Variants in ADGRL3 observed in about 807,000 individuals in gnomAD.
ADGRL3 encodes the protein calcium-independent alpha-latrotoxin receptor 3.
In ADGRL3, 62 loss-of-function variants were observed where a neutral mutation model predicts 153.5. That is an observed-to-expected ratio of 0.40 (90% CI 0.33 to 0.50). The LOEUF is 0.50. Among genes scored for constraint, ADGRL3 ranks in the 20% least tolerant of loss-of-function variants. The pLI is 0.47. For synonymous variants in ADGRL3, 710 were observed against 672.5 expected, an observed-to-expected ratio of 1.06 and a Z score of -0.86; for missense variants, 1,641 against 1,859.4, an observed-to-expected ratio of 0.88 and a Z score of 2.16.
chr4:61,936,192 C>T (rs1168461118), intron 15 of ADGRL3, 147 bp downstream of exon 15: 2 of 843,944 alleles, frequency 2.4e-6, no homozygotes, highest in Non-Finnish European at 3.8e-6. Context: ...TCTTCCTCCT[C>T]TTTCTACTGT....
chr4:61,377,883 A>G (rs1028649003), intron 1 of ADGRL3, among the ~76,000 whole-genome samples: 5 of 151,980 alleles, frequency 3.3e-5, no homozygotes, highest in Admixed American at 6.6e-5. Context: ...AAATTTTGCT[A>G]TGGTGTGCTT....
At chr4:61,285,879 C>CT (rs939658612) in intron 1 of ADGRL3, among the ~76,000 whole-genome samples, 1 of 151,518 alleles carries the variant, frequency 6.6e-6, no homozygotes, top group East Asian at 1.9e-4. Flanking sequence ...TTCTACTTTA[C>CT]TTTTTTTTCC....
intron 4 of ADGRL3, among the ~76,000 whole-genome samples, chr4:61,524,700 G>C (rs1028217515): frequency 2.6e-5 from 4 of 152,000 alleles, no homozygotes; most frequent in Non-Finnish European, 4.4e-5. Flanking sequence ...GTTGTGAAAT[G>C]GTAAAGCATG....
chr4:61,493,929 A>T (rs1356862384), intron 2 of ADGRL3, among the ~76,000 whole-genome samples: 1 of 152,226 alleles, frequency 6.6e-6, no homozygotes, highest in Non-Finnish European at 1.5e-5. Flanking sequence ...TTCTCAGTAA[A>T]CATGGAACAA....
At chr4:61,869,665 A>G (rs917746486) in intron 9 of ADGRL3, among the ~76,000 whole-genome samples, 1 of 151,772 alleles carries the variant, frequency 6.6e-6, no homozygotes, top group Non-Finnish European at 1.5e-5. Flanking sequence ...ACACTTTGGG[A>G]TTCCAAAAGT....
intron 21 of ADGRL3, 93 bp from the exon 22 acceptor site, chr4:62,028,762 C>T: frequency 2.0e-6 from 2 of 1,014,990 alleles, no homozygotes; most frequent in Middle Eastern, 4.2e-4. Flanking sequence ...GGACAGAGGC[C>T]TTTGGGGACC....
chr4:61,994,595 C>A (rs886304267), intron 19 of ADGRL3, among the ~76,000 whole-genome samples: 23 of 151,992 alleles, frequency 1.5e-4, no homozygotes, highest in Admixed American at 7.2e-4. Context: ...AACATCATTG[C>A]CTCCATTACT....
chr4:61,300,224 G>A (rs1201296662), intron 1 of ADGRL3, among the ~76,000 whole-genome samples: 2 of 152,122 alleles, frequency 1.3e-5, no homozygotes, highest in African/African-American at 4.8e-5. Context: ...CAATACAAAT[G>A]TGTCTAAAGG....
rs534573702 is a variant in ADGRL3, at chr4:61,504,475, T to A, written c.55+7127T>A. Among the ~76,000 whole-genome samples the A allele has an allele frequency of 2.0e-5, 3 of 152,322 alleles. No homozygotes were observed. The East Asian group carries it at 5.8e-4, about 29-fold the overall frequency. ...TCCAGGGTAATTAGGGTGTCTGTCA[T>A]CTCAAATTTTTATTTATATGTGTTA... On this transcript the variant is annotated intron_variant, in intron 3 of 26. Coordinates refer to ENST00000683033, the MANE Select transcript of ADGRL3 (RefSeq NM_001387552.1).
intron 5 of ADGRL3, among the ~76,000 whole-genome samples, chr4:61,649,533 A>G (rs2094170446): frequency 1.3e-5 from 2 of 152,066 alleles, no homozygotes; most frequent in African/African-American, 4.8e-5. Flanking sequence ...CAGTTTATGT[A>G]TTTTGTAGAA....
intron 17 of ADGRL3, among the ~76,000 whole-genome samples, chr4:61,952,294 T>G (rs1343949007): frequency 6.6e-6 from 1 of 151,794 alleles, no homozygotes; most frequent in East Asian, 2.0e-4. Flanking sequence ...CTGGGCAACA[T>G]AGTGAAACCT....
At chr4:61,902,195 T>C (rs1017730168) in intron 11 of ADGRL3, among the ~76,000 whole-genome samples, 2 of 152,010 alleles carry the variant, frequency 1.3e-5, no homozygotes, top group African/African-American at 2.4e-5. Context: ...TGAAACTGAA[T>C]TGGGAGCAGC....
intron 9 of ADGRL3, among the ~76,000 whole-genome samples, chr4:61,839,221 A>C (rs1342099404): frequency 6.6e-6 from 1 of 151,878 alleles, no homozygotes; most frequent in African/African-American, 2.4e-5. Context: ...ATGGAGCCTT[A>C]CTCTGTCACC....
intron 2 of ADGRL3, among the ~76,000 whole-genome samples, chr4:61,441,637 A>T (rs539727788): frequency 4.1e-4 from 62 of 151,962 alleles, no homozygotes; most frequent in Non-Finnish European, 7.6e-4. Flanking sequence ...CTCCTGCCTT[A>T]GCCTCCCGAG....
chr4:62,040,757 T>C (rs1400180501), intron 24 of ADGRL3, among the ~76,000 whole-genome samples: 1 of 152,044 alleles, frequency 6.6e-6, no homozygotes, highest in Middle Eastern at 3.4e-3. Flanking sequence ...AACAAAAATA[T>C]CAAATGGGAG....
At chr4:61,755,778 T>C (rs7687644) in intron 8 of ADGRL3, among the ~76,000 whole-genome samples, 13,161 of 152,128 alleles carry the variant, frequency 0.087, 1,197 homozygotes, top group African/African-American at 0.23. Flanking sequence ...CTTTAATCCA[T>C]CTTGAATTAA....
chr4:61,202,135 T>G lies in ADGRL3; in HGVS notation c.-240+370T>G, dbSNP rs1734976016. 6.5e-6 allele frequency: 1 copy of G among 152,740 alleles called. No homozygotes were observed. Among genetic ancestry groups the G allele is most frequent in the South Asian group, 2.1e-4 (1 of 4,832 alleles). The allele number at this position is 152,740 out of a possible 1,614,324, so 9.5% of individuals were successfully genotyped here. ...CTCTCACCCCAGTGGCATCCCCTGG[T>G]GGGGGCAGAAAGCGGACAGGAGGGC... On this transcript the variant is annotated intron_variant, in intron 1 of 26. Coordinates refer to ENST00000683033, the MANE Select transcript of ADGRL3 (RefSeq NM_001387552.1). The surrounding 1 kb of genome is among the most constrained non-coding windows in gnomAD (Gnocchi z 5.0).
intron 17 of ADGRL3, among the ~76,000 whole-genome samples, chr4:61,953,689 G>A (rs187254627): frequency 1.3e-5 from 2 of 152,260 alleles, no homozygotes; most frequent in East Asian, 3.9e-4. Context: ...AATTTTATAA[G>A]AATTATAACC....
At chr4:61,577,646 CA>C (rs1205632556) in intron 4 of ADGRL3, among the ~76,000 whole-genome samples, 3 of 150,588 alleles carry the variant, frequency 2.0e-5, no homozygotes, top group African/African-American at 7.3e-5. Flanking sequence ...ACTGTCTCTA[CA>C]AAAAATAAAA....
Sources: allele counts gnomAD v4.1 joint callset (sites outside exome capture counted in the v4.1 genomes callset), GRCh38; gene constraint gnomAD v4.1.1; non-coding constraint Gnocchi (gnomAD v3.1); transcripts MANE v1.5; gene names NCBI Gene and HGNC (gene_info 2026-07-23, HGNC 2026-07-21).